COQ8A: variants seen among roughly 807,000 people sequenced by gnomAD.
COQ8A encodes atypical kinase COQ8A, mitochondrial.
COQ8A carries 51 observed loss-of-function variants against 65.0 expected under a neutral mutation model. The ratio of observed to expected loss-of-function variants is 0.78; its 90% CI spans 0.63 to 0.99. The LOEUF (loss-of-function observed/expected upper bound fraction) is 0.99, where lower values mean the gene tolerates loss of function less well. Ranked by LOEUF, COQ8A falls within the 50% of genes least tolerant of loss-of-function variation. The probability of loss-of-function intolerance (pLI) is 0.00; values close to 1 mark genes in which losing one functional copy is unlikely to be tolerated. For synonymous variants in COQ8A, 371 were observed against 353.2 expected (o/e 1.05, Z -0.57); for missense variants, 940 against 875.0 (o/e 1.07, Z -0.94).
chr1:226,972,307 A>G lies in COQ8A; in HGVS notation c.656-5142A>G, dbSNP rs1314158002. ...GGAAGACAGGAAACAAAAAGTAAAG[A>G]AAGAGGAAGCAATAATATTATTTGA... On this transcript the variant is annotated intron_variant, in intron 4 of 14. Coordinates refer to ENST00000366777, the MANE Select transcript of COQ8A (RefSeq NM_020247.5). This position sits in a 1 kb window ranked among gnomAD's most constrained non-coding sequence, Gnocchi z 4.3. 6.6e-6 allele frequency among the ~76,000 whole-genome samples: 1 copy of G among 152,162 alleles called. No individual in the cohort carries two copies. Among genetic ancestry groups the G allele is most frequent in the Non-Finnish European group, 1.5e-5 (1 of 68,028 alleles).
At chr1:226,985,715 A>G (rs1388932221) in intron 14 of COQ8A, among the ~76,000 whole-genome samples, 1 of 152,176 alleles carries the variant, frequency 6.6e-6, no homozygotes, top group Non-Finnish European at 1.5e-5. Context: ...CCTTTTAAAT[A>G]AAGGGGAACG....
intron 4 of COQ8A, among the ~76,000 whole-genome samples, chr1:226,970,417 C>G (rs1042428271): frequency 6.6e-6 from 1 of 152,228 alleles, no homozygotes; most frequent in African/African-American, 2.4e-5. Flanking sequence ...CAAACCTTTA[C>G]AACATGTTAC....
chr1:226,949,958 A>G lies in COQ8A; in HGVS notation c.-10+9559A>G, dbSNP rs763362145. On this transcript the variant is annotated intron_variant, in intron 1 of 14. Coordinates refer to ENST00000366777, the MANE Select transcript of COQ8A (RefSeq NM_020247.5). The surrounding 1 kb of genome is among the most constrained non-coding windows in gnomAD (Gnocchi z 4.0). ...AACCCAGATCACCTAACCTCAGAGC[A>G]TCTTAACCATGTCACCAGTATCACT... 1.3e-5 allele frequency among the ~76,000 whole-genome samples: 2 copies of G among 152,218 alleles called. No individual in the cohort carries two copies. Among genetic ancestry groups the G allele is most frequent in the Non-Finnish European group, 2.9e-5 (2 of 68,036 alleles).
At chr1:226,985,470 G>T in intron 14 of COQ8A, 130 bp downstream of exon 14, 1 of 1,038,958 alleles carries the variant, frequency 9.6e-7, no homozygotes, top group South Asian at 1.3e-5. Flanking sequence ...CTTGGGCACG[G>T]TCTGAAAGCT....
chr1:226,967,997 A>T (rs1296619024), intron 4 of COQ8A, among the ~76,000 whole-genome samples: 1 of 152,304 alleles, frequency 6.6e-6, no homozygotes, highest in East Asian at 1.9e-4. Flanking sequence ...AACCTTTCAA[A>T]CTGTAGGTTA....
chr1:226,975,727 G>A (rs986990641), intron 4 of COQ8A, among the ~76,000 whole-genome samples: 2 of 152,166 alleles, frequency 1.3e-5, no homozygotes, highest in Non-Finnish European at 1.5e-5. Flanking sequence ...CTGGCCCGGC[G>A]AGTGCTCTAC....
At chr1:226,976,912 G>A (rs547116453) in intron 4 of COQ8A, among the ~76,000 whole-genome samples, 1 of 152,152 alleles carries the variant, frequency 6.6e-6, no homozygotes, top group African/African-American at 2.4e-5. Flanking sequence ...CCCCTGGCTT[G>A]GATTAGGGGG....
intron 4 of COQ8A, among the ~76,000 whole-genome samples, chr1:226,968,630 A>G (rs1658699129): frequency 6.6e-6 from 1 of 152,062 alleles, no homozygotes; most frequent in Non-Finnish European, 1.5e-5. Flanking sequence ...AAGTTTTTAC[A>G]CGGGGTTATG....
rs371981998 is a variant in COQ8A at position 226,979,373 on chromosome 1, G to A, written c.730+1850G>A. Among the ~76,000 whole-genome samples, 234 of 152,324 alleles carry A rather than the reference G, an allele frequency of 1.5e-3. 1 individual carries two copies. Among genetic ancestry groups the A allele is most frequent in the African/African-American group, 5.0e-3 (209 of 41,566 alleles). On this transcript the variant is annotated intron_variant, in intron 5 of 14. Transcript: ENST00000366777. ...CTCCTCCTCAGGCCTCTTCAGGCAC[G>A]GGGGGCGGGCCAGGTAGGTGCGAGG...
chr1:226,962,392 G>A (rs1463852354), intron 2 of COQ8A, among the ~76,000 whole-genome samples: 1 of 152,234 alleles, frequency 6.6e-6, no homozygotes, highest in Non-Finnish European at 1.5e-5. Context: ...GTGCTGGAGA[G>A]GTGACTATAG....
intron 1 of COQ8A, among the ~76,000 whole-genome samples, chr1:226,956,780 G>A (rs1321175197): frequency 1.0e-5 from 1 of 97,994 alleles, no homozygotes; most frequent in Non-Finnish European, 2.0e-5. Flanking sequence ...ACTCTCCCTG[G>A]CTCCCACTCT....
In COQ8A at chr1:226,984,088, A is replaced by C. The variant is rs751350069; in HGVS notation, c.1257-6A>C. 21 of 1,612,796 alleles carry C rather than the reference A, an allele frequency of 1.3e-5. No individual in the cohort carries two copies. The highest frequency in any genetic ancestry group is 1.7e-5 in the Non-Finnish European group (20 of 1,179,892). On this transcript the variant is annotated splice_region_variant and splice_polypyrimidine_tract_variant and intron_variant, in intron 10 of 14. Transcript: ENST00000366777. ...GGCTAGGGCGTGACCTCCCTCCCCT[A>C]CCCAGGGACCTGCTGAAGGGCCACC...
intron 5 of COQ8A, among the ~76,000 whole-genome samples, chr1:226,978,447 T>C: frequency 1.9e-5 from 2 of 106,400 alleles, no homozygotes; most frequent in Non-Finnish European, 1.9e-5. Flanking sequence ...CCCACACACC[T>C]CCTTACACAC....
chr1:226,948,376 G>A (rs1657175971), intron 1 of COQ8A, among the ~76,000 whole-genome samples: 1 of 151,964 alleles, frequency 6.6e-6, no homozygotes, highest in South Asian at 2.1e-4. Flanking sequence ...GATTACATTG[G>A]GCCCACCTGG....
intron 1 of COQ8A, among the ~76,000 whole-genome samples, chr1:226,950,266 A>C (rs1657295921): frequency 6.6e-6 from 1 of 152,096 alleles, no homozygotes; most frequent in South Asian, 2.1e-4. Context: ...CTGCTTTTAT[A>C]TCACCCCCAA....
At chr1:226,958,334 C>T (rs985408434) in intron 1 of COQ8A, 1 of 152,374 alleles carries the variant, frequency 6.6e-6, no homozygotes, top group South Asian at 2.1e-4. Flanking sequence ...CCCTTCCGTA[C>T]TGAGCTACTG....
At chr1:226,985,612 C>T (rs1309468634) in intron 14 of COQ8A, among the ~76,000 whole-genome samples, 2 of 152,148 alleles carry the variant, frequency 1.3e-5, no homozygotes, top group East Asian at 1.9e-4. Flanking sequence ...GGTTGGGCCT[C>T]GATTGAGCCA....
chr1:226,979,974 C>G (rs1659590750), intron 5 of COQ8A, among the ~76,000 whole-genome samples: 3 of 152,234 alleles, frequency 2.0e-5, no homozygotes, highest in Non-Finnish European at 4.4e-5. Context: ...GCTGGCTTCA[C>G]AGTTACAGCT....
At chr1:226,977,555 G>A (rs1177318437) in intron 5 of COQ8A, 32 bp downstream of exon 5, 1 of 1,546,970 alleles carries the variant, frequency 6.5e-7, no homozygotes, top group Middle Eastern at 1.7e-4. Flanking sequence ...GAGGGGCAGG[G>A]TGGGCCCCGG....
Sources: gnomAD v4.1 joint callset for allele counts (sites outside exome capture counted in the v4.1 genomes callset) on GRCh38, gnomAD v4.1.1 for gene constraint, Gnocchi (gnomAD v3.1) non-coding constraint, MANE v1.5 for transcripts, NCBI Gene and HGNC (gene_info 2026-07-23, HGNC 2026-07-21) for gene names.